GABRA3: variants seen among roughly 807,000 people sequenced by gnomAD.
GABRA3 encodes gamma-aminobutyric acid receptor subunit alpha-3.
A neutral mutation model predicts 30.1 loss-of-function variants in GABRA3; 10 were observed. The ratio of observed to expected loss-of-function variants is 0.33; its 90% CI spans 0.20 to 0.56. The LOEUF is 0.56. Among genes scored for constraint, GABRA3 ranks in the 20% least tolerant of loss-of-function variants. GABRA3 has a pLI of 0.89. For synonymous variants in GABRA3, 151 were observed against 146.8 expected, an observed-to-expected ratio of 1.03 and a Z score of -0.21; for missense variants, 233 against 392.0, an observed-to-expected ratio of 0.59 and a Z score of 3.42.
chrX:152,316,190 G>A (rs890456078), intron 3 of GABRA3, among the ~76,000 whole-genome samples: 32 of 110,322 alleles, frequency 2.9e-4, no homozygotes, highest in African/African-American at 1.0e-3. Flanking sequence ...TCACATCACA[G>A]GACTTAGAGA....
At chrX:152,431,311 AG>A (rs1182872783) in intron 1 of GABRA3, among the ~76,000 whole-genome samples, 1 of 112,093 alleles carries the variant, frequency 8.9e-6, no homozygotes, top group Non-Finnish European at 1.9e-5. Context: ...AAAAGAGTAA[AG>A]AAACAATTTC....
chrX:152,379,129 T>C (rs897839392), intron 1 of GABRA3, among the ~76,000 whole-genome samples: 1 of 111,492 alleles, frequency 9.0e-6, no homozygotes, highest in African/African-American at 3.3e-5. Context: ...CATGGAAATA[T>C]GGAGAATACC....
chrX:152,370,158 T>C (rs772998405), intron 1 of GABRA3, among the ~76,000 whole-genome samples: 12 of 112,403 alleles, frequency 1.1e-4, no homozygotes, highest in African/African-American at 3.2e-4. Context: ...CAAAGACAAA[T>C]TCATTTTATC....
chrX:152,188,306 G>T (rs1448010561), intron 9 of GABRA3, among the ~76,000 whole-genome samples: 1 of 111,567 alleles, frequency 9.0e-6, no homozygotes, highest in African/African-American at 3.3e-5. Flanking sequence ...TTTAAGAAAA[G>T]AACCCATTTA....
intron 1 of GABRA3, among the ~76,000 whole-genome samples, chrX:152,411,568 T>G (rs1366610772): frequency 9.0e-6 from 1 of 111,497 alleles, no homozygotes; most frequent in Non-Finnish European, 1.9e-5. Flanking sequence ...TATGCAAAAT[T>G]TAACTCAAAC....
At chrX:152,290,711 C>T (rs1939395413) in intron 3 of GABRA3, among the ~76,000 whole-genome samples, 2 of 111,916 alleles carry the variant, frequency 1.8e-5, no homozygotes, top group Admixed American at 1.9e-4. Context: ...AGGAGGGATC[C>T]AATTTCAACT....
chrX:152,286,597 T>C (rs773057273), intron 3 of GABRA3, among the ~76,000 whole-genome samples: 3 of 111,594 alleles, frequency 2.7e-5, no homozygotes, highest in South Asian at 7.5e-4. Flanking sequence ...CCATATTAGC[T>C]GTACTCATCC....
chrX:152,199,167 C>T (rs569340982), intron 7 of GABRA3, among the ~76,000 whole-genome samples: 3 of 110,176 alleles, frequency 2.7e-5, no homozygotes, highest in Admixed American at 9.7e-5. Flanking sequence ...GAGATCGAGA[C>T]CATCCTGGCT....
In GABRA3 at chrX:152,443,741, C is replaced by T. The variant is rs149035079; in HGVS notation, c.-27+7405G>A. Among the ~76,000 whole-genome samples, 557 of 111,242 alleles carry T rather than the reference C, an allele frequency of 5.0e-3. 2 individuals are homozygous for T. The highest frequency in any genetic ancestry group is 7.9e-3 in the Non-Finnish European group (420 of 52,936). ...ATGGGTTTGCATTTTTATGTGAGAT[C>T]ATTTAGAATTCAAATGTGACATTTG... On this transcript the variant is annotated intron_variant, in intron 1 of 9. Coordinates refer to ENST00000370314, the MANE Select transcript of GABRA3 (RefSeq NM_000808.4).
chrX:152,238,814 G>A (rs1390781403), intron 5 of GABRA3, among the ~76,000 whole-genome samples: 1 of 108,583 alleles, frequency 9.2e-6, no homozygotes, highest in African/African-American at 3.3e-5. Context: ...ATGGTAGTTT[G>A]TATTTCTGTG....
chrX:152,184,547 TCA>T (rs2070050674), intron 9 of GABRA3, among the ~76,000 whole-genome samples: 1 of 111,616 alleles, frequency 9.0e-6, no homozygotes, highest in African/African-American at 3.2e-5. Context: ...TAGAGACATT[TCA>T]CATATTGAGC....
At chrX:152,224,624 T>A in intron 6 of GABRA3, 139 bp downstream of exon 6, 1 of 398,129 alleles carries the variant, frequency 2.5e-6, no homozygotes, top group Admixed American at 4.2e-5. Flanking sequence ...TCAACCCCAC[T>A]CTCTGACCCA....
In GABRA3 at chrX:152,255,831, C is replaced by T. The variant is rs751794474; in HGVS notation, c.498G>A (p.Thr166=). Residue 166 remains threonine, a synonymous_variant, in exon 5 of 10, where the codon ACG becomes ACA. Transcript: ENST00000370314. Reference sequence around the variant, plus strand: ...CCACCAATCTGAGCAGCTTGTTGGGCGTGGTCATGTTATGAGCCACTGATT... The same window carrying T: ...CCACCAATCTGAGCAGCTTGTTGGGTGTGGTCATGTTATGAGCCACTGATT... ...GKKSVAHNMT[T]PNKLLRLVDN... is the part of the protein sequence containing the mutation. The T allele has an allele frequency of 5.0e-6, 6 of 1,209,500 alleles. No homozygotes were observed. Among genetic ancestry groups the T allele is most frequent in the Admixed American group, 2.2e-5 (1 of 45,699 alleles).
At chrX:152,286,086 T>C (rs186353889) in intron 3 of GABRA3, among the ~76,000 whole-genome samples, 20 of 92,961 alleles carry the variant, frequency 2.2e-4, no homozygotes, top group Non-Finnish European at 3.2e-4. Flanking sequence ...GTTATAAATA[T>C]ACTTATAAAT....
chrX:152,247,863 T>C (rs901317702), intron 5 of GABRA3, among the ~76,000 whole-genome samples: 1 of 111,114 alleles, frequency 9.0e-6, no homozygotes, highest in African/African-American at 3.3e-5. Context: ...ATATAGCAAA[T>C]CCCCAAGATA....
chrX:152,381,045 T>C (rs1929130728), intron 1 of GABRA3, among the ~76,000 whole-genome samples: 2 of 111,402 alleles, frequency 1.8e-5, no homozygotes, highest in African/African-American at 6.5e-5. Flanking sequence ...GTTATAAAGC[T>C]AGGACACCCC....
At chrX:152,307,617 T>C (rs969693689) in intron 3 of GABRA3, among the ~76,000 whole-genome samples, 7 of 111,406 alleles carry the variant, frequency 6.3e-5, no homozygotes, top group African/African-American at 2.0e-4. Flanking sequence ...TTAAGAAGAC[T>C]GGCACACTCT....
At chrX:152,315,490 A>G (rs763687383) in intron 3 of GABRA3, among the ~76,000 whole-genome samples, 1 of 111,126 alleles carries the variant, frequency 9.0e-6, no homozygotes, top group Non-Finnish European at 1.9e-5. Flanking sequence ...CCAAACGTGA[A>G]GTTTCCTGGC....
At chrX:152,192,234 T>C in intron 8 of GABRA3, among the ~76,000 whole-genome samples, 1 of 112,144 alleles carries the variant, frequency 8.9e-6, no homozygotes, top group Non-Finnish European at 1.9e-5. Context: ...GTACGCTTCA[T>C]GGATGGACAA....
Sources: gnomAD v4.1 joint callset for allele counts (sites outside exome capture counted in the v4.1 genomes callset) on GRCh38, gnomAD v4.1.1 for gene constraint, MANE v1.5 for transcripts, NCBI Gene and HGNC (gene_info 2026-07-23, HGNC 2026-07-21) for gene names.